Variants in WDR35 observed in about 807,000 individuals in gnomAD.
WDR35 encodes the protein WD repeat-containing protein 35.
Under a neutral mutation model 158.3 loss-of-function variants are expected in WDR35, and 118 were observed. The ratio of observed to expected loss-of-function variants is 0.75; its 90% confidence interval spans 0.64 to 0.87. The LOEUF (loss-of-function observed/expected upper bound fraction) is 0.87, where lower values mean the gene tolerates loss of function less well. Ranked by LOEUF, WDR35 falls within the 40% of genes least tolerant of loss-of-function variation. The pLI is 0.00. For synonymous variants in WDR35, 448 were observed against 476.1 expected (o/e 0.94, Z 0.77); for missense variants, 1,263 against 1,405.8 (o/e 0.90, Z 1.62).
At chr2:19,936,618 G>A (rs1386193339) in intron 19 of WDR35, among the ~76,000 whole-genome samples, 1 of 152,064 alleles carries the variant, frequency 6.6e-6, no homozygotes, top group Non-Finnish European at 1.5e-5. Flanking sequence ...TTAAGAGGTG[G>A]GGTTTCTGGG....
At chr2:19,957,851 C>G (rs575927549) in intron 11 of WDR35, among the ~76,000 whole-genome samples, 4 of 152,168 alleles carry the variant, frequency 2.6e-5, no homozygotes, top group Admixed American at 2.0e-4. Flanking sequence ...CCATGCCCAG[C>G]TTGGAAAAAA....
chr2:19,955,197 G>A (rs747394818), intron 11 of WDR35, among the ~76,000 whole-genome samples: 5 of 152,062 alleles, frequency 3.3e-5, no homozygotes, highest in African/African-American at 1.2e-4. Context: ...CCATCTGCCC[G>A]CCTCAGCCTC....
intron 14 of WDR35, 84 bp downstream of exon 14, chr2:19,948,080 G>T (rs1184261488): frequency 8.9e-6 from 10 of 1,118,766 alleles, no homozygotes; most frequent in Non-Finnish European, 1.3e-5. Context: ...TGTGATTACA[G>T]ACATGGGGCA....
intron 11 of WDR35, among the ~76,000 whole-genome samples, chr2:19,957,449 C>G (rs2118444): frequency 0.66 from 99,325 of 151,502 alleles, 33,033 homozygotes; most frequent in East Asian, 0.9. Context: ...TTAACAGATA[C>G]AATGTTTTAG....
At chr2:19,960,932 G>A (rs1671629903) in intron 10 of WDR35, among the ~76,000 whole-genome samples, 1 of 152,088 alleles carries the variant, frequency 6.6e-6, no homozygotes, top group Non-Finnish European at 1.5e-5. Context: ...AAAGTTTATG[G>A]AAAATGTGTA....
intron 10 of WDR35, chr2:19,962,146 A>G: frequency 2.6e-6 from 2 of 772,396 alleles, no homozygotes; most frequent in Non-Finnish European, 4.1e-6. Context: ...TGAAAAATAA[A>G]GTTTCTATTT....
chr2:19,963,941 G>A (rs938845733), intron 10 of WDR35, among the ~76,000 whole-genome samples: 1 of 151,896 alleles, frequency 6.6e-6, no homozygotes, highest in African/African-American at 2.4e-5. Flanking sequence ...ATAGGGTTTT[G>A]CCATGTTGGC....
chr2:19,918,672 G>A (rs1670065635), intron 25 of WDR35, among the ~76,000 whole-genome samples: 1 of 152,092 alleles, frequency 6.6e-6, no homozygotes, highest in Admixed American at 6.6e-5. Flanking sequence ...AATGTTAAAG[G>A]GATCAATGCA....
intron 14 of WDR35, among the ~76,000 whole-genome samples, chr2:19,947,580 A>G (rs141616133): frequency 1.9e-3 from 288 of 152,318 alleles, no homozygotes; most frequent in African/African-American, 6.6e-3. Flanking sequence ...TTCAGCTGAA[A>G]TTTGCCATAG....
chr2:19,988,279 T>C (rs1222289013), intron 2 of WDR35, among the ~76,000 whole-genome samples: 4 of 152,200 alleles, frequency 2.6e-5, no homozygotes, highest in Non-Finnish European at 4.4e-5. Flanking sequence ...GTATTTATTA[T>C]TCATACCGCA....
intron 11 of WDR35, among the ~76,000 whole-genome samples, chr2:19,957,773 G>A (rs1671496753): frequency 1.3e-5 from 2 of 152,174 alleles, no homozygotes; most frequent in Admixed American, 1.3e-4. Context: ...GGCTGGTCTT[G>A]AACTCCTGAC....
At chr2:19,963,565 T>C (rs548174710) in intron 10 of WDR35, among the ~76,000 whole-genome samples, 3 of 152,282 alleles carry the variant, frequency 2.0e-5, no homozygotes, top group Non-Finnish European at 4.4e-5. Flanking sequence ...CAGCTGGTAC[T>C]TTCTTCCTCA....
rs1553316926 is a variant in WDR35 at position 19,935,529 on chromosome 2, T to A, written c.2489A>T (p.Asp830Val). 2 of 1,613,266 alleles carry A rather than the reference T, an allele frequency of 1.2e-6. No homozygotes were observed. The highest frequency in any genetic ancestry group is 1.7e-6 in the Non-Finnish European group (2 of 1,179,604). ...GGCAAGGTTCTCTAACCCTTCATAA[T>A]CCTCTAACATATAGTAACATTCAGC... is the stretch of plus-strand genomic sequence containing the variant. ...RLAECYYMLE[D>V]YEGLENLAIS... The change falls in exon 21 of 27, where the codon GAT becomes GTT. Residue 830 changes from aspartate (D) to valine (V), a missense_variant. By Grantham distance (152) the Asp-to-Val change is radical (BLOSUM62 -3). Transcript: ENST00000281405.
At chr2:19,933,276 G>A (rs530309722) in intron 22 of WDR35, 125 bp downstream of exon 22, 249 of 793,512 alleles carry the variant, frequency 3.1e-4, no homozygotes, top group South Asian at 5.2e-4. Context: ...TAAAATTCAC[G>A]TCAGGCTCTC....
intron 10 of WDR35, among the ~76,000 whole-genome samples, 181 bp from the exon 11 acceptor site, chr2:19,960,795 A>G (rs1293837614): frequency 2.6e-5 from 4 of 152,232 alleles, no homozygotes; most frequent in African/African-American, 9.6e-5. Flanking sequence ...ATTAAATATA[A>G]AGAAAGATCA....
At chr2:19,979,772 T>TACACACACACACACACACAC (rs67421990) in intron 4 of WDR35, among the ~76,000 whole-genome samples, 51 of 146,298 alleles carry the variant, frequency 3.5e-4, no homozygotes, top group Non-Finnish European at 5.7e-4. Flanking sequence ...TTCTATCCCC[T>TACACACACACACACACACAC]ACACACACAC....
intron 1 of WDR35, 52 bp from the exon 2 acceptor site, chr2:19,989,334 A>G (rs776031419): frequency 6.1e-6 from 9 of 1,465,214 alleles, no homozygotes; most frequent in Non-Finnish European, 8.6e-6. Context: ...GGAGCTGGGA[A>G]GTAAGTCTGC....
In WDR35 at chr2:19,932,346, A is replaced by T. The variant is rs1405610639; in HGVS notation, c.2760T>A (p.Leu920=). ...CTTTCCGATAGAGTTCTATGGCATC[A>T]AGAGTTTTATTCTTTTCCAGTAAAT... ...ASHLLEKNKT[L]DAIELYRKAN... Residue 920 remains leucine (L), a synonymous_variant, in exon 23 of 27, where the codon CTT becomes CTA. Transcript: ENST00000281405. 6.2e-7 allele frequency: 1 copy of T among 1,613,342 alleles called. No homozygotes were observed. Among genetic ancestry groups the T allele is most frequent in the Admixed American group, 1.7e-5 (1 of 60,008 alleles).
chr2:19,983,340 G>A (rs1489850229), intron 2 of WDR35, among the ~76,000 whole-genome samples: 1 of 152,172 alleles, frequency 6.6e-6, no homozygotes, highest in Non-Finnish European at 1.5e-5. Flanking sequence ...CTATGTGGAT[G>A]AACAGGGGAG....
Sources: gnomAD v4.1 joint callset for allele counts (sites outside exome capture counted in the v4.1 genomes callset) on GRCh38, gnomAD v4.1.1 for gene constraint, MANE v1.5 for transcripts, NCBI Gene and HGNC (gene_info 2026-07-23, HGNC 2026-07-21) for gene names.